The following NOP9 variants were observed in gnomAD, a reference collection of about 807,000 sequenced individuals.
The protein encoded by NOP9 is nucleolar protein 9.
Under a neutral mutation model 63.0 loss-of-function variants are expected in NOP9, and 50 were observed. The observed-to-expected ratio is 0.79, with a 90% CI of 0.63 to 1.00. The LOEUF (loss-of-function observed/expected upper bound fraction) is 1.00. Ranked by LOEUF, NOP9 falls within the 50% of genes least tolerant of loss-of-function variation. The pLI, the probability that NOP9 is intolerant of heterozygous loss-of-function variation, is 0.00. For synonymous variants in NOP9, 343 were observed against 332.8 expected, an observed-to-expected ratio of 1.03 and a Z score of -0.33; for missense variants, 758 against 803.0, an observed-to-expected ratio of 0.94 and a Z score of 0.68.
chr14:24,308,580 C>T lies in NOP9; in HGVS notation c.*3485C>T, dbSNP rs567577555. The stretch of plus-strand genomic sequence containing the variant: ...CAGTCACACTTAGGTCATCTTCTCT[C>T]ACTTTTCTCCTTTTGCCGATTAGTG... On this transcript the variant is annotated 3_prime_UTR_variant, in exon 10 of 10. Coordinates refer to ENST00000267425, the MANE Select transcript of NOP9 (RefSeq NM_174913.3). 1 of 153,328 alleles carries T rather than the reference C, an allele frequency of 6.5e-6. No individual in the cohort carries two copies. The highest frequency in any genetic ancestry group is 1.5e-5 in the Non-Finnish European group (1 of 68,716). The allele number at this position is 153,328 out of a possible 1,614,324, so 9.5% of individuals were successfully genotyped here.
At chr14:24,301,372 C>T (rs1324217724) in intron 2 of NOP9, among the ~76,000 whole-genome samples, 1 of 152,184 alleles carries the variant, frequency 6.6e-6, no homozygotes, top group Non-Finnish European at 1.5e-5. Flanking sequence ...TTTGGAATGG[C>T]TTGAATACCT....
At chr14:24,301,575 G>A in intron 2 of NOP9, 37 bp from the exon 3 acceptor site, 1 of 1,608,792 alleles carries the variant, frequency 6.2e-7, no homozygotes, top group Non-Finnish European at 8.5e-7. Context: ...GGCAGTTTGT[G>A]ATCTCCCCAC....
chr14:24,280,857 G>A, the NOP9 span, among the ~76,000 whole-genome samples: 2 of 152,228 alleles, frequency 1.3e-5, no homozygotes, highest in African/African-American at 4.8e-5. Context: ...TGGGAGATGA[G>A]GAGGAGGAGT....
chr14:24,279,876 T>C, the NOP9 span, among the ~76,000 whole-genome samples: 1 of 152,116 alleles, frequency 6.6e-6, no homozygotes, highest in South Asian at 2.1e-4. Flanking sequence ...ACGTTCTATG[T>C]CAAGTGAGAA....
At chr14:24,290,948 C>T in the NOP9 span, 16 of 1,614,066 alleles carry the variant, frequency 9.9e-6, no homozygotes, top group East Asian at 2.2e-5. Flanking sequence ...AGGCCGGACA[C>T]GTGTGAGAGA....
chr14:24,279,442 G>C, the NOP9 span, among the ~76,000 whole-genome samples: 7 of 152,198 alleles, frequency 4.6e-5, no homozygotes, highest in Admixed American at 2.0e-4. Context: ...GGAAGAAGAC[G>C]AAACAGGTTA....
upstream of NOP9, chr14:24,296,759 G>T (rs563865768): frequency 2.5e-6 from 4 of 1,614,206 alleles, no homozygotes; most frequent in East Asian, 6.7e-5. Flanking sequence ...CATAAGCATT[G>T]TTGACCAGCA....
chr14:24,299,799 G>T, upstream of NOP9: 1 of 991,064 alleles, frequency 1.0e-6, no homozygotes, highest in Non-Finnish European at 1.4e-6. Context: ...CACCCACCCC[G>T]CCCGGCTGGG....
chr14:24,306,607 C>G lies in NOP9; in HGVS notation c.*1512C>G. On this transcript the variant is annotated 3_prime_UTR_variant, in exon 10 of 10. Coordinates refer to ENST00000267425, the MANE Select transcript of NOP9 (RefSeq NM_174913.3). The stretch of plus-strand genomic sequence containing the variant: ...GCTGCCCAACATCCATCAGTTGGCT[C>G]TAGACATTGGTCGATGTCCCACTTT... The G allele has an allele frequency of 6.4e-7, 1 of 1,570,254 alleles. No homozygotes were observed. Among genetic ancestry groups the G allele is most frequent in the South Asian group, 1.1e-5 (1 of 89,130 alleles).
chr14:24,271,379 G>T, the NOP9 span: 1 of 378,522 alleles, frequency 2.6e-6, no homozygotes. Flanking sequence ...GGGCCAGAGC[G>T]CGAGCCGGGG....
upstream of NOP9, chr14:24,299,844 G>C (rs771981089): frequency 9.9e-5 from 135 of 1,359,802 alleles, no homozygotes; most frequent in Non-Finnish European, 1.3e-4. Context: ...GCTGCGTCAG[G>C]AGCGCGCCCG....
upstream of NOP9, chr14:24,296,692 G>A (rs1161117890): frequency 1.2e-6 from 2 of 1,613,964 alleles, no homozygotes; most frequent in African/African-American, 2.7e-5. Flanking sequence ...AGGGGTCTGA[G>A]GGGGAGGTCA....
chr14:24,305,801 G>C lies in NOP9; in HGVS notation c.*706G>C. On this transcript the variant is annotated 3_prime_UTR_variant, in exon 10 of 10. Coordinates refer to ENST00000267425, the MANE Select transcript of NOP9 (RefSeq NM_174913.3). ...GAGACAAGAGGAAATCAGATGATTT[G>C]GAAAACTTGGGAGGAAGCCATCAAG... is the stretch of plus-strand genomic sequence containing the variant. 1.2e-6 allele frequency: 2 copies of C among 1,606,666 alleles called. No homozygotes were observed. The highest frequency in any genetic ancestry group is 1.3e-5 in the African/African-American group (1 of 74,870).
At chr14:24,286,814 G>C in the NOP9 span, among the ~76,000 whole-genome samples, 1 of 151,836 alleles carries the variant, frequency 6.6e-6, no homozygotes, top group Non-Finnish European at 1.5e-5. Flanking sequence ...GGATGGTCTC[G>C]ATCTCCTGAC....
chr14:24,283,498 G>A, the NOP9 span, among the ~76,000 whole-genome samples: 29 of 152,204 alleles, frequency 1.9e-4, no homozygotes, highest in Admixed American at 1.9e-3. Flanking sequence ...TACTCAGGGG[G>A]CTGAGGTGGG....
chr14:24,290,593 A>G, the NOP9 span: 8 of 418,638 alleles, frequency 1.9e-5, no homozygotes, highest in Non-Finnish European at 3.1e-5. Context: ...GCAGTCAAAA[A>G]CACATTGAAA....
chr14:24,276,031 T>C, the NOP9 span, among the ~76,000 whole-genome samples: 2 of 152,202 alleles, frequency 1.3e-5, no homozygotes, highest in African/African-American at 4.8e-5. Context: ...CCTAGTGCAA[T>C]TGAGGAACTG....
At position 24,307,665 on chromosome 14, in the gene NOP9, G is replaced by A; in HGVS notation, c.*2570G>A. On this transcript the variant is annotated 3_prime_UTR_variant, in exon 10 of 10. Coordinates refer to ENST00000267425, the MANE Select transcript of NOP9 (RefSeq NM_174913.3). The stretch of plus-strand genomic sequence containing the variant: ...AGGGAGAGACCATGGAGTGCAGGTG[G>A]GGGCGGGTGGCTCAGGAGCTTGACA... The A allele has an allele frequency of 8.4e-7, 1 of 1,195,798 alleles. No individual in the cohort carries two copies. The allele number at this position is 1,195,798 out of a possible 1,614,324, so 74.1% of individuals were successfully genotyped here. A position where few individuals can be genotyped will look rare whatever the true frequency, so the allele number is the denominator to read the frequency against.
chr14:24,283,894 T>A, the NOP9 span, among the ~76,000 whole-genome samples: 18 of 152,382 alleles, frequency 1.2e-4, no homozygotes, highest in East Asian at 2.5e-3. Context: ...CCCTGCTCAG[T>A]CCTGAGGTGA....
Sources: gnomAD v4.1 joint callset for allele counts (sites outside exome capture counted in the v4.1 genomes callset) on GRCh38, gnomAD v4.1.1 for gene constraint, MANE v1.5 for transcripts, NCBI Gene and HGNC (gene_info 2026-07-23, HGNC 2026-07-21) for gene names.